Variants in SORCS1 observed in about 807,000 individuals in gnomAD.
SORCS1 encodes the protein sortilin related VPS10 domain containing receptor 1.
Under a neutral mutation model 146.1 loss-of-function variants are expected in SORCS1, and 60 were observed. The ratio of observed to expected loss-of-function variants is 0.41; its 90% CI spans 0.33 to 0.51. The LOEUF is 0.51. Ranked by LOEUF, SORCS1 falls within the 20% of genes least tolerant of loss-of-function variation. The pLI, the probability that SORCS1 is intolerant of heterozygous loss-of-function variation, is 0.21. For synonymous variants in SORCS1, 637 were observed against 584.0 expected (o/e 1.09, Z -1.31); for missense variants, 1,352 against 1,487.6 (o/e 0.91, Z 1.50).
chr10:106,929,593 G>A (rs188185110), intron 2 of SORCS1, among the ~76,000 whole-genome samples: 2 of 152,246 alleles, frequency 1.3e-5, no homozygotes, highest in Admixed American at 1.3e-4. Flanking sequence ...ACCAAAAAAC[G>A]CCTACATTGC....
At chr10:106,761,490 G>A (rs544911909) in intron 5 of SORCS1, 98 bp downstream of exon 5, 17 of 1,020,790 alleles carry the variant, frequency 1.7e-5, no homozygotes, top group Admixed American at 7.0e-5. Context: ...CAGACCTTAT[G>A]TGAGAGCACT....
chr10:106,707,042 C>T (rs1485712000), intron 7 of SORCS1, among the ~76,000 whole-genome samples: 4 of 152,074 alleles, frequency 2.6e-5, no homozygotes, highest in Admixed American at 2.6e-4. Flanking sequence ...GCTGGAGGCT[C>T]ACATCTCTGG....
chr10:106,999,996 C>T (rs942749411), intron 1 of SORCS1, among the ~76,000 whole-genome samples: 4 of 151,594 alleles, frequency 2.6e-5, no homozygotes, highest in African/African-American at 9.7e-5. Context: ...TTTCTAGGGG[C>T]AAGCCAGAAA....
rs191018310 is a variant in SORCS1 at position 106,583,327 on chromosome 10, A to G, written c.3266-3853T>C. 7.1e-4 allele frequency among the ~76,000 whole-genome samples: 108 copies of G among 152,320 alleles called. 1 individual carries two copies. Among genetic ancestry groups the G allele is most frequent in the African/African-American group, 2.4e-5 (1 of 41,574 alleles). On this transcript the variant is annotated intron_variant, in intron 24 of 25. Transcript: ENST00000263054. ...AACATTCCCCATATGGAGATTCACA[A>G]TGCACATCAGTATATTAAATGATCA... is the stretch of plus-strand genomic sequence containing the variant.
chr10:106,804,103 A>G (rs925414140), intron 3 of SORCS1, among the ~76,000 whole-genome samples: 1 of 152,194 alleles, frequency 6.6e-6, no homozygotes, highest in African/African-American at 2.4e-5. Flanking sequence ...ATCTAAACAA[A>G]TTGATGGGAG....
chr10:107,072,552 T>G (rs759040857), intron 1 of SORCS1, among the ~76,000 whole-genome samples: 3 of 152,016 alleles, frequency 2.0e-5, no homozygotes, highest in Non-Finnish European at 4.4e-5. Flanking sequence ...CACACATACA[T>G]GTATTTATAC....
chr10:106,793,769 C>G (rs1485940576), intron 3 of SORCS1, among the ~76,000 whole-genome samples: 1 of 152,206 alleles, frequency 6.6e-6, no homozygotes, highest in Non-Finnish European at 1.5e-5. Flanking sequence ...TGTATAAGTA[C>G]TGGCAATTCT....
At chr10:106,812,017 T>G (rs953751214) in intron 3 of SORCS1, among the ~76,000 whole-genome samples, 1 of 152,032 alleles carries the variant, frequency 6.6e-6, no homozygotes, top group African/African-American at 2.4e-5. Flanking sequence ...TTTGTTTGTT[T>G]TGAGATGGAG....
chr10:106,790,680 C>T (rs781594719), intron 3 of SORCS1, among the ~76,000 whole-genome samples: 17 of 152,140 alleles, frequency 1.1e-4, no homozygotes, highest in African/African-American at 2.9e-4. Flanking sequence ...TTATCCAAAA[C>T]GACAGTCTAT....
chr10:106,840,097 A>G (rs901251121), intron 2 of SORCS1, among the ~76,000 whole-genome samples: 6 of 152,198 alleles, frequency 3.9e-5, no homozygotes, highest in African/African-American at 1.4e-4. Context: ...AGTAATTTTA[A>G]TTTTTAAGTA....
At chr10:107,105,275 G>A (rs1213313427) in intron 1 of SORCS1, among the ~76,000 whole-genome samples, 1 of 152,196 alleles carries the variant, frequency 6.6e-6, no homozygotes, top group East Asian at 1.9e-4. Flanking sequence ...TGAAAGGCAA[G>A]TAGAAGTCAG....
intron 9 of SORCS1, among the ~76,000 whole-genome samples, chr10:106,690,512 C>A (rs960164087): frequency 6.6e-6 from 1 of 152,162 alleles, no homozygotes; most frequent in Non-Finnish European, 1.5e-5. Context: ...TCATTTGATT[C>A]GCAGAAGTGG....
At chr10:106,877,903 T>TGGAAACAACTCTCAGAGTAGTAAGGA (rs1950652316) in intron 2 of SORCS1, among the ~76,000 whole-genome samples, 1 of 152,064 alleles carries the variant, frequency 6.6e-6, no homozygotes, top group African/African-American at 2.4e-5. Flanking sequence ...TTTCAGAGGG[T>TGGAAACAACTCTCAGAGTAGTAAGGA]GGAAACAACT....
chr10:106,875,769 G>A (rs1346166408), intron 2 of SORCS1, among the ~76,000 whole-genome samples: 1 of 151,988 alleles, frequency 6.6e-6, no homozygotes, highest in African/African-American at 2.4e-5. Context: ...AGAAATGTCT[G>A]TTCATGTCAT....
the SORCS1 span, among the ~76,000 whole-genome samples, chr10:107,176,315 T>C: frequency 4.2e-5 from 3 of 71,022 alleles, no homozygotes; most frequent in East Asian, 3.0e-4. Context: ...CTCTCTTTCT[T>C]TCTCTCTCTC....
intron 2 of SORCS1, among the ~76,000 whole-genome samples, chr10:106,887,785 T>A (rs1450148208): frequency 2.0e-5 from 3 of 152,164 alleles, no homozygotes; most frequent in Non-Finnish European, 4.4e-5. Flanking sequence ...TTCTGTAATG[T>A]TTACATGACT....
chr10:107,046,972 G>T (rs1323376653), intron 1 of SORCS1, among the ~76,000 whole-genome samples: 1 of 152,066 alleles, frequency 6.6e-6, no homozygotes, highest in African/African-American at 2.4e-5. Context: ...GTTTTGTTTT[G>T]CTGTATTTTA....
At chr10:106,724,757 G>A (rs1358874) in intron 6 of SORCS1, among the ~76,000 whole-genome samples, 136,824 of 152,246 alleles carry the variant, frequency 0.9, 61,951 homozygotes, top group Non-Finnish European at 0.97. Context: ...CTGGCAAGTG[G>A]GGGATTTTTC....
At chr10:107,143,327 T>C (rs771773516) in intron 1 of SORCS1, among the ~76,000 whole-genome samples, 5 of 152,106 alleles carry the variant, frequency 3.3e-5, no homozygotes, top group Non-Finnish European at 7.4e-5. Context: ...TCTTATTTTG[T>C]TTTGTTGTTT....
Sources: allele counts gnomAD v4.1 joint callset (sites outside exome capture counted in the v4.1 genomes callset), GRCh38; gene constraint gnomAD v4.1.1; transcripts MANE v1.5; gene names NCBI Gene and HGNC (gene_info 2026-07-23, HGNC 2026-07-21).